ADAT2: variants seen among roughly 807,000 people sequenced by gnomAD.
ADAT2 encodes the protein adenosine deaminase tRNA specific 2.
Under a neutral mutation model 25.9 loss-of-function variants are expected in ADAT2, and 26 were observed. The ratio of observed to expected loss-of-function variants is 1.00; its 90% CI spans 0.74 to 1.39. ADAT2 has a LOEUF of 1.39. Among genes scored for constraint, ADAT2 ranks in the 40% most tolerant of loss-of-function variants. The pLI, the probability that ADAT2 is intolerant of heterozygous loss-of-function variation, is 0.00. For synonymous variants in ADAT2, 76 were observed against 86.8 expected, an observed-to-expected ratio of 0.88 and a Z score of 0.69; for missense variants, 220 against 244.8, an observed-to-expected ratio of 0.90 and a Z score of 0.68.
Position 143,443,184 on chromosome 6 carries a change from C to T in ADAT2, c.97-4490G>A, listed in dbSNP as rs569054711. Reference sequence around the variant, plus strand: ...TATACATGTATATATCTCTCACTAGCGCATGTGAGAGAGCTGGGACTAGGG... The same window carrying T: ...TATACATGTATATATCTCTCACTAGTGCATGTGAGAGAGCTGGGACTAGGG... On this transcript the variant is annotated intron_variant, in intron 1 of 5. Coordinates refer to ENST00000237283, the MANE Select transcript of ADAT2 (RefSeq NM_182503.3). Among the ~76,000 whole-genome samples, 33 of 152,048 alleles carry T rather than the reference C, an allele frequency of 2.2e-4. No individual in the cohort carries two copies. The South Asian group carries it at 5.8e-3, about 27-fold the overall frequency.
rs762650367 is a variant in ADAT2 at position 143,442,607 on chromosome 6, C to A, written c.97-3913G>T. ...TGAACTATAGCTATGCAAGATGTTA[C>A]CACTGAAGGACACTAGACACTTGGG... On this transcript the variant is annotated intron_variant, in intron 1 of 5. Coordinates refer to ENST00000237283, the MANE Select transcript of ADAT2 (RefSeq NM_182503.3). This position sits in a 1 kb window ranked among gnomAD's most constrained non-coding sequence, Gnocchi z 4.6. Among the ~76,000 whole-genome samples the A allele has an allele frequency of 6.6e-6, 1 of 151,960 alleles. No homozygotes were observed. Among genetic ancestry groups the A allele is most frequent in the Non-Finnish European group, 1.5e-5 (1 of 68,020 alleles).
At position 143,432,573 on chromosome 6, in the gene ADAT2, A is replaced by G. The variant is rs775038222; in HGVS notation, c.391T>C (p.Phe131Leu). The change falls in exon 4 of 6, where the codon TTT becomes CTT. Residue 131 changes from phenylalanine (F) to leucine (L), a missense_variant. Coordinates refer to ENST00000237283, the MANE Select transcript of ADAT2 (RefSeq NM_182503.3). The surrounding 1 kb of genome is among the most constrained non-coding windows in gnomAD (Gnocchi z 4.4). The stretch of plus-strand genomic sequence containing the variant: ...TTTAGAACAGAGCCACAACCACCAA[A>G]TCGTTCATTCTGACAGCCATATACA... ...LVVYGCQNERFGGCGSVLNIA... is the reference protein window; with the variant it reads ...LVVYGCQNERLGGCGSVLNIA... The G allele has an allele frequency of 2.5e-6, 4 of 1,614,094 alleles. No individual in the cohort carries two copies. Among genetic ancestry groups the G allele is most frequent in the Admixed American group, 1.7e-5 (1 of 60,004 alleles).
At chr6:143,439,284 A>G (rs1779386020) in intron 1 of ADAT2, among the ~76,000 whole-genome samples, 1 of 150,870 alleles carries the variant, frequency 6.6e-6, no homozygotes, top group African/African-American at 2.4e-5. Context: ...AAAAGTAAAC[A>G]CACACACAGT....
rs1383462276 is a variant in ADAT2, at chr6:143,437,264, C to T, written c.201+1326G>A. Among the ~76,000 whole-genome samples the T allele has an allele frequency of 1.3e-5, 2 of 152,162 alleles. No individual in the cohort carries two copies. The highest frequency in any genetic ancestry group is 6.5e-5 in the Admixed American group (1 of 15,288). On this transcript the variant is annotated intron_variant, in intron 2 of 5. Transcript: ENST00000237283. This position sits in a 1 kb window ranked among gnomAD's most constrained non-coding sequence, Gnocchi z 4.1. ...AATGTAAGCTTTCCCAGTGTTTGAACGTTTCCCATTCCCTAAAACTGTTCA... is the reference window on the plus strand; with the variant it reads ...AATGTAAGCTTTCCCAGTGTTTGAATGTTTCCCATTCCCTAAAACTGTTCA...
intron 1 of ADAT2, among the ~76,000 whole-genome samples, chr6:143,443,694 G>A (rs956686805): frequency 6.6e-5 from 10 of 152,002 alleles, no homozygotes; most frequent in African/African-American, 1.9e-4. Flanking sequence ...AGCTGGGCAT[G>A]GTGATGGGTG....
In ADAT2 at chr6:143,436,060, T is replaced by C. The variant is rs1779267322; in HGVS notation, c.202-2079A>G. On this transcript the variant is annotated intron_variant, in intron 2 of 5. Coordinates refer to ENST00000237283, the MANE Select transcript of ADAT2 (RefSeq NM_182503.3). This position sits in a 1 kb window ranked among gnomAD's most constrained non-coding sequence, Gnocchi z 4.1. ...TTAAAATTAAAAGACTGTATATATTTGTATATTGTTACATGATTTATATGA... is the reference window on the plus strand; with the variant it reads ...TTAAAATTAAAAGACTGTATATATTCGTATATTGTTACATGATTTATATGA... Among the ~76,000 whole-genome samples, 1 of 152,272 alleles carries C rather than the reference T, an allele frequency of 6.6e-6. No individual in the cohort carries two copies. Among genetic ancestry groups the C allele is most frequent in the Non-Finnish European group, 1.5e-5 (1 of 68,050 alleles).
intron 4 of ADAT2, among the ~76,000 whole-genome samples, chr6:143,430,248 G>A (rs1283432163): frequency 6.6e-6 from 1 of 152,148 alleles, no homozygotes; most frequent in Non-Finnish European, 1.5e-5. Context: ...CGCACACTCA[G>A]AGCCCTCTCC....
chr6:143,430,430 C>T (rs971945996), intron 4 of ADAT2, among the ~76,000 whole-genome samples: 3 of 152,220 alleles, frequency 2.0e-5, no homozygotes, highest in South Asian at 2.1e-4. Flanking sequence ...ACGGGCAGTC[C>T]GGGATGAGAA....
At chr6:143,433,255 T>TTAGAAGTCCCTACAGAGTA in intron 3 of ADAT2, among the ~76,000 whole-genome samples, 1 of 152,358 alleles carries the variant, frequency 6.6e-6, no homozygotes, top group Non-Finnish European at 1.5e-5. Flanking sequence ...AAAAAGATCT[T>TTAGAAGTCCCTACAGAGTA]TAGAAGTCCC....
At position 143,436,684 on chromosome 6, in the gene ADAT2, G is replaced by C. The variant is rs1779294371; in HGVS notation, c.201+1906C>G. On this transcript the variant is annotated intron_variant, in intron 2 of 5. Coordinates refer to ENST00000237283, the MANE Select transcript of ADAT2 (RefSeq NM_182503.3). The surrounding 1 kb of genome is among the most constrained non-coding windows in gnomAD (Gnocchi z 4.1). ...TGTTGAGGAGGAGGGAGAGTCTGAG[G>C]AGTGGACTGAGGAAATGGGGGCGTA... The C allele has an allele frequency of 3.5e-6, 1 of 283,508 alleles. No homozygotes were observed. The allele number at this position is 283,508 out of a possible 1,614,324, so 17.6% of individuals were successfully genotyped here. A position where few individuals can be genotyped will look rare whatever the true frequency, so the allele number is the denominator to read the frequency against.
At position 143,446,507 on chromosome 6, in the gene ADAT2, C is replaced by T. The variant is rs549577348; in HGVS notation, c.96+4056G>A. Among the ~76,000 whole-genome samples, 12 of 151,962 alleles carry T rather than the reference C, an allele frequency of 7.9e-5. No individual in the cohort carries two copies. Among genetic ancestry groups the T allele is most frequent in the East Asian group, 3.9e-4 (2 of 5,178 alleles). On this transcript the variant is annotated intron_variant, in intron 1 of 5. Coordinates refer to ENST00000237283, the MANE Select transcript of ADAT2 (RefSeq NM_182503.3). This position sits in a 1 kb window ranked among gnomAD's most constrained non-coding sequence, Gnocchi z 5.0. ...TAAAATACAAAGAGCTCCTACAGTG[C>T]GATTTTTTAAATCAAACTATTACAA...
Position 143,434,873 on chromosome 6 carries a change from T to A in ADAT2, c.202-892A>T, listed in dbSNP as rs1562639368. On this transcript the variant is annotated intron_variant, in intron 2 of 5. Coordinates refer to ENST00000237283, the MANE Select transcript of ADAT2 (RefSeq NM_182503.3). This position sits in a 1 kb window ranked among gnomAD's most constrained non-coding sequence, Gnocchi z 4.5. ...TTTATCAATAATTTACACTGAGTAT[T>A]AACCATGCACAAGCCACTGGGCTAA... is the stretch of plus-strand genomic sequence containing the variant. 6.6e-6 allele frequency among the ~76,000 whole-genome samples: 1 copy of A among 152,180 alleles called. No individual in the cohort carries two copies. The highest frequency in any genetic ancestry group is 1.5e-5 in the Non-Finnish European group (1 of 68,036).
In ADAT2 at chr6:143,428,469, T is replaced by C; in HGVS notation, c.570A>G (p.Lys190=). 4 of 1,613,714 alleles carry C rather than the reference T, an allele frequency of 2.5e-6. No homozygotes were observed. The highest frequency in any genetic ancestry group is 3.4e-6 in the Non-Finnish European group (4 of 1,179,994). Residue 190 remains lysine, a synonymous_variant, in exon 6 of 6, where the codon AAA becomes AAG. Transcript: ENST00000237283. This position sits in a 1 kb window ranked among gnomAD's most constrained non-coding sequence, Gnocchi z 5.0. ...TTCTTTCATCAGAACATGTTCAAGA[T>C]TTCTGACATTCCTTTTTCCGAACTT... is the stretch of plus-strand genomic sequence containing the variant. The part of the protein sequence containing the change: ...KSKVRKKECQ[K]S
chr6:143,438,590 A>G lies in ADAT2; in HGVS notation c.201T>C (p.Asn67=), dbSNP rs1372845278. The G allele has an allele frequency of 1.1e-5, 18 of 1,608,492 alleles. No individual in the cohort carries two copies. The highest frequency in any genetic ancestry group is 1.5e-5 in the Non-Finnish European group (18 of 1,175,234). ...CAATTATACTGCTCAACTCACATAC[A>G]TTTTTGGTTTGGTTAACTTCATTTC... ...KGRNEVNQTK[N]ATRHAEMVAI... is the part of the protein sequence containing the mutation. The change falls in exon 2 of 6, where the codon AAT becomes AAC. Residue 67 remains asparagine, a splice_region_variant and synonymous_variant. Transcript: ENST00000237283.
At chr6:143,433,278 G>A (rs1397464088) in intron 3 of ADAT2, among the ~76,000 whole-genome samples, 1 of 152,072 alleles carries the variant, frequency 6.6e-6, no homozygotes, top group East Asian at 1.9e-4. Flanking sequence ...CAGAGTCTCT[G>A]CACTATTTAA....
Position 143,446,583 on chromosome 6 carries a change from T to C in ADAT2, c.96+3980A>G, listed in dbSNP as rs1779606459. On this transcript the variant is annotated intron_variant, in intron 1 of 5. Coordinates refer to ENST00000237283, the MANE Select transcript of ADAT2 (RefSeq NM_182503.3). This position sits in a 1 kb window ranked among gnomAD's most constrained non-coding sequence, Gnocchi z 5.0. ...AATTCACAGAAGAAAAAAATCTAAA[T>C]GTTCAATTAAATTACACAGTAGATA... Among the ~76,000 whole-genome samples, 1 of 152,040 alleles carries C rather than the reference T, an allele frequency of 6.6e-6. No individual in the cohort carries two copies. The highest frequency in any genetic ancestry group is 2.4e-5 in the African/African-American group (1 of 41,388).
At position 143,427,213 on chromosome 6, in the gene ADAT2, C is replaced by T. The variant is rs1778962272; in HGVS notation, c.*1250G>A. Reference sequence around the variant, plus strand: ...TCTCAGCAATATAAAAATACTTTCACCACAATTACATTCCAGCCTGTAATG... The same window carrying T: ...TCTCAGCAATATAAAAATACTTTCATCACAATTACATTCCAGCCTGTAATG... On this transcript the variant is annotated 3_prime_UTR_variant, in exon 6 of 6. Coordinates refer to ENST00000237283, the MANE Select transcript of ADAT2 (RefSeq NM_182503.3). 6.6e-6 allele frequency: 1 copy of T among 152,422 alleles called. No homozygotes were observed. Among genetic ancestry groups the T allele is most frequent in the Admixed American group, 6.6e-5 (1 of 15,242 alleles). The allele number at this position is 152,422 out of a possible 1,614,324, so 9.4% of individuals were successfully genotyped here.
chr6:143,450,493 A>C (rs1204601606), intron 1 of ADAT2, 70 bp downstream of exon 1: 1 of 1,529,598 alleles, frequency 6.5e-7, no homozygotes, highest in Non-Finnish European at 9.0e-7. Flanking sequence ...ACGTTTGCTC[A>C]AATGCCGGGG....
In ADAT2 at chr6:143,438,701, CA is replaced by C; in HGVS notation, c.97-8del. The C allele has an allele frequency of 6.2e-7, 1 of 1,609,536 alleles. No homozygotes were observed. On this transcript the variant is annotated splice_region_variant and splice_polypyrimidine_tract_variant and intron_variant, in intron 1 of 5. Transcript: ENST00000237283. ...TTTCGAGGGCTTCTTTGGCCTGAAACACAAAGTGGAAAATGTAAGACGTAAT... is the reference window on the plus strand; with the variant it reads ...TTTCGAGGGCTTCTTTGGCCTGAAACCAAAGTGGAAAATGTAAGACGTAAT...
Sources: allele counts gnomAD v4.1 joint callset (sites outside exome capture counted in the v4.1 genomes callset), GRCh38; gene constraint gnomAD v4.1.1; non-coding constraint Gnocchi (gnomAD v3.1); transcripts MANE v1.5; gene names NCBI Gene and HGNC (gene_info 2026-07-23, HGNC 2026-07-21).